ACACA: variants seen among roughly 807,000 people sequenced by gnomAD.
ACACA encodes the protein acetyl-CoA carboxylase 1.
A neutral mutation model predicts 296.1 loss-of-function variants in ACACA; 103 were observed. That is an observed-to-expected ratio of 0.35 (90% CI 0.30 to 0.41). ACACA has a LOEUF of 0.41. Ranked by LOEUF, ACACA falls within the 10% of genes least tolerant of loss-of-function variation. The pLI, the probability that ACACA is intolerant of heterozygous loss-of-function variation, is 1.00. For missense variants in ACACA, 1,554 were observed against 2,989.7 expected (o/e 0.52, Z 11.20); for synonymous variants, 953 against 1,038.6 (o/e 0.92, Z 1.58).
intron 23 of ACACA, among the ~76,000 whole-genome samples, chr17:37,241,574 G>A (rs774723581): frequency 3.9e-5 from 6 of 152,010 alleles, no homozygotes; most frequent in Non-Finnish European, 7.4e-5. Context: ...ATGTGGTGGT[G>A]CACAGCTATA....
chr17:37,300,423 T>C (rs746141848), intron 3 of ACACA, among the ~76,000 whole-genome samples: 2 of 152,146 alleles, frequency 1.3e-5, no homozygotes, highest in African/African-American at 2.4e-5. Flanking sequence ...TTAGAATCTA[T>C]AGAAAGACAA....
chr17:37,260,270 ATATATATATATATATATATATATATAT>A (rs2081403856), intron 11 of ACACA, among the ~76,000 whole-genome samples: 2 of 22,292 alleles, frequency 9.0e-5, no homozygotes, highest in African/African-American at 5.4e-4. Context: ...ATATATATAT[ATATATATATATATATATATATATATAT>A]TTTTTTTTTT....
intron 41 of ACACA, among the ~76,000 whole-genome samples, chr17:37,166,304 A>AT (rs1366914388): frequency 1.3e-5 from 2 of 150,984 alleles, no homozygotes; most frequent in African/African-American, 4.9e-5. Context: ...TGCCCAGCTA[A>AT]TTTTTTTTAT....
chr17:37,188,385 C>A lies in ACACA; in HGVS notation c.4668G>T (p.Leu1556=). 1 of 1,614,156 alleles carries A rather than the reference C, an allele frequency of 6.2e-7. No homozygotes were observed. Among genetic ancestry groups the A allele is most frequent in the Non-Finnish European group, 8.5e-7 (1 of 1,180,024 alleles). The change falls in exon 39 of 56, where the codon CTG becomes CTT. Residue 1556 remains leucine (L), a synonymous_variant. Transcript: ENST00000616317. The part of the protein sequence containing the change: ...LQAELKINIR[L]TPTGKAIPIR... ...TGGGAATTGCTTTTCCAGTTGGCGT[C>A]AGGCGAATGTTGATTTTCAGTTCTG...
At chr17:37,306,395 C>T (rs965099169) in intron 3 of ACACA, among the ~76,000 whole-genome samples, 2 of 151,838 alleles carry the variant, frequency 1.3e-5, no homozygotes, top group South Asian at 4.2e-4. Context: ...TTTTAATGAC[C>T]GATATAACTT....
intron 45 of ACACA, among the ~76,000 whole-genome samples, chr17:37,139,172 A>G (rs1441313494): frequency 6.6e-6 from 1 of 152,198 alleles, no homozygotes; most frequent in Non-Finnish European, 1.5e-5. Flanking sequence ...AAGGTGTAAC[A>G]CACAACTGAA....
intron 52 of ACACA, among the ~76,000 whole-genome samples, chr17:37,100,380 A>G (rs1298795077): frequency 1.3e-5 from 2 of 152,202 alleles, no homozygotes; most frequent in Non-Finnish European, 2.9e-5. Context: ...GACTGATACC[A>G]TGACTCCTGA....
chr17:37,135,735 A>T (rs534580387), intron 45 of ACACA, among the ~76,000 whole-genome samples: 82 of 152,162 alleles, frequency 5.4e-4, no homozygotes, highest in Non-Finnish European at 1.0e-3. Flanking sequence ...ACAGAGACTC[A>T]TTTGTAATGT....
Position 37,406,564 on chromosome 17 carries a change from C to A in ACACA, c.-265G>T. On this transcript the variant is annotated 5_prime_UTR_variant, in exon 1 of 56. Transcript: ENST00000616317. The stretch of plus-strand genomic sequence containing the variant: ...GAGATGGGAACGTTATCCCCAAACC[C>A]AGGCAGTCCCGGCTCGGCCCGCCTC... 1.7e-6 allele frequency: 1 copy of A among 590,772 alleles called. No individual in the cohort carries two copies. Among genetic ancestry groups the A allele is most frequent in the Non-Finnish European group, 3.0e-6 (1 of 331,574 alleles). The allele number at this position is 590,772 out of a possible 1,614,324, so 36.6% of individuals were successfully genotyped here. A position where few individuals can be genotyped will look rare whatever the true frequency, so the allele number is the denominator to read the frequency against.
intron 42 of ACACA, among the ~76,000 whole-genome samples, chr17:37,161,151 G>A (rs954621734): frequency 6.6e-6 from 1 of 152,198 alleles, no homozygotes; most frequent in African/African-American, 2.4e-5. Context: ...AAGAATGAGA[G>A]GGAGTGACCA....
intron 39 of ACACA, 129 bp from the exon 40 acceptor site, chr17:37,181,485 T>C: frequency 1.0e-6 from 1 of 960,804 alleles, no homozygotes; most frequent in Non-Finnish European, 1.6e-6. Context: ...AGCTGAGATA[T>C]GCCTCTTAAC....
intron 3 of ACACA, among the ~76,000 whole-genome samples, chr17:37,298,502 T>G (rs2083462138): frequency 2.0e-5 from 3 of 151,966 alleles, no homozygotes; most frequent in African/African-American, 7.2e-5. Flanking sequence ...GGCAACACAG[T>G]GAGACCCCAT....
At chr17:37,280,681 A>G (rs1330425296) in intron 5 of ACACA, among the ~76,000 whole-genome samples, 1 of 151,960 alleles carries the variant, frequency 6.6e-6, no homozygotes, top group Non-Finnish European at 1.5e-5. Flanking sequence ...ATATTGCATG[A>G]CAGGTAGATG....
intron 1 of ACACA, among the ~76,000 whole-genome samples, chr17:37,382,581 G>C (rs533181150): frequency 6.6e-6 from 1 of 152,102 alleles, no homozygotes; most frequent in African/African-American, 2.4e-5. Context: ...ACTCAAAAGC[G>C]TCAGGTGCGG....
chr17:37,313,618 A>T (rs2046949129), intron 3 of ACACA, among the ~76,000 whole-genome samples: 1 of 152,244 alleles, frequency 6.6e-6, no homozygotes, highest in Admixed American at 6.5e-5. Context: ...TCAAAACTAC[A>T]ATGAGATATA....
At chr17:37,359,270 G>T in intron 1 of ACACA, 1 of 519,448 alleles carries the variant, frequency 1.9e-6, no homozygotes, top group Non-Finnish European at 2.5e-6. Context: ...CTGCGGCGCT[G>T]CCAGGGCCGC....
chr17:37,091,463 T>C (rs2072627067), intron 54 of ACACA, among the ~76,000 whole-genome samples: 1 of 152,238 alleles, frequency 6.6e-6, no homozygotes, highest in Admixed American at 6.5e-5. Flanking sequence ...CAAACTTATG[T>C]AAGCATAGTG....
intron 8 of ACACA, 127 bp downstream of exon 8, chr17:37,275,824 G>A: frequency 6.0e-6 from 5 of 826,942 alleles, no homozygotes; most frequent in Non-Finnish European, 1.1e-5. Flanking sequence ...GAGCTACAAG[G>A]TACCATTAAT....
Position 37,085,858 on chromosome 17 carries a change from T to C in ACACA, c.*1458A>G, listed in dbSNP as rs1271978830. 2.5e-6 allele frequency: 1 copy of C among 399,002 alleles called. No homozygotes were observed. Among genetic ancestry groups the C allele is most frequent in the African/African-American group, 2.1e-5 (1 of 48,646 alleles). The allele number at this position is 399,002 out of a possible 1,614,324, so 24.7% of individuals were successfully genotyped here. A position where few individuals can be genotyped will look rare whatever the true frequency, so the allele number is the denominator to read the frequency against. ...AACGTTCATACCACTGCTTCTCAAA[T>C]GTCTTAGTGATTTCCTCCTTGGTCA... On this transcript the variant is annotated 3_prime_UTR_variant, in exon 56 of 56. Transcript: ENST00000616317.
Sources: gnomAD v4.1 joint callset for allele counts (sites outside exome capture counted in the v4.1 genomes callset) on GRCh38, gnomAD v4.1.1 for gene constraint, MANE v1.5 for transcripts, NCBI Gene and HGNC (gene_info 2026-07-23, HGNC 2026-07-21) for gene names.